Variants in TANC1 observed in about 807,000 individuals in gnomAD.
TANC1 encodes the protein protein TANC1.
In TANC1, 77 loss-of-function variants were observed where a neutral mutation model predicts 149.7. The observed-to-expected ratio is 0.51, with a 90% CI of 0.43 to 0.62. The LOEUF (loss-of-function observed/expected upper bound fraction) is 0.62, where lower values mean the gene tolerates loss of function less well. TANC1 is among the 20% of genes least tolerant of loss of function. The probability of loss-of-function intolerance (pLI) is 0.00; values close to 1 mark genes in which losing one functional copy is unlikely to be tolerated. For synonymous variants in TANC1, 854 were observed against 925.0 expected (o/e 0.92, Z 1.39); for missense variants, 1,985 against 2,321.8 (o/e 0.85, Z 2.98).
At chr2:159,203,394 A>G (rs760305058) in intron 19 of TANC1, among the ~76,000 whole-genome samples, 4 of 151,338 alleles carry the variant, frequency 2.6e-5, no homozygotes, top group Non-Finnish European at 5.9e-5. Context: ...TTTAGTAGAG[A>G]TGGGGTTTCA....
intron 3 of TANC1, among the ~76,000 whole-genome samples, chr2:159,096,150 T>C (rs1011150479): frequency 6.6e-6 from 1 of 152,152 alleles, no homozygotes; most frequent in African/African-American, 2.4e-5. Flanking sequence ...GAAGATGCTT[T>C]TTAAGAAGCA....
chr2:158,981,496 TATATATATATATATATATATATA>T (rs2034335068), intron 1 of TANC1, among the ~76,000 whole-genome samples: 1 of 11,030 alleles, frequency 9.1e-5, no homozygotes, highest in East Asian at 1.8e-3. Context: ...AGCTTTTATA[TATATATATATATATATATATATA>T]TATATATATA....
intron 5 of TANC1, among the ~76,000 whole-genome samples, chr2:159,145,932 T>C (rs2052033043): frequency 6.6e-6 from 1 of 152,216 alleles, no homozygotes; most frequent in African/African-American, 2.4e-5. Context: ...TGGTATTGGG[T>C]AATGTACACC....
At chr2:159,136,945 T>C (rs2050827903) in intron 5 of TANC1, among the ~76,000 whole-genome samples, 1 of 152,216 alleles carries the variant, frequency 6.6e-6, no homozygotes, top group Non-Finnish European at 1.5e-5. Flanking sequence ...AATTCAAGAA[T>C]TTTCCTGTTT....
intron 19 of TANC1, among the ~76,000 whole-genome samples, chr2:159,206,366 C>T (rs1244674852): frequency 6.6e-6 from 1 of 152,186 alleles, no homozygotes; most frequent in African/African-American, 2.4e-5. Context: ...TCACAGACCC[C>T]TGGGTTTTGC....
rs905631679 is a variant in TANC1, at chr2:159,097,656, G to T, written c.81G>T (p.Glu27Asp). 6 of 1,613,846 alleles carry T rather than the reference G, an allele frequency of 3.7e-6. No individual in the cohort carries two copies. The highest frequency in any genetic ancestry group is 1.7e-5 in the Admixed American group (1 of 59,992). Residue 27 changes from glutamate (E) to aspartate (D), a missense_variant, in exon 4 of 27, where the codon GAG becomes GAT. By Grantham distance (45) the Glu-to-Asp change is conservative. Transcript: ENST00000263635. The part of the protein sequence containing the change: ...KKEAGSDFGP[E>D]TSPVLHLDHS... The stretch of plus-strand genomic sequence containing the variant: ...CTCTAGGAAGTGACTTTGGTCCAGA[G>T]ACTTCTCCAGTCCTGCACCTTGACC...
intron 2 of TANC1, among the ~76,000 whole-genome samples, chr2:159,062,976 A>C (rs1487647712): frequency 2.1e-5 from 3 of 142,132 alleles, no homozygotes; most frequent in Non-Finnish European, 4.7e-5. Flanking sequence ...TCCGTCTCAA[A>C]AAAAAAAAAA....
chr2:159,193,844 A>ATT (rs902401793), intron 16 of TANC1, among the ~76,000 whole-genome samples: 1 of 147,720 alleles, frequency 6.8e-6, no homozygotes, highest in African/African-American at 2.5e-5. Context: ...TTAATTAAAA[A>ATT]TTTTTTTTTT....
At chr2:159,187,693 C>T (rs951943841) in intron 16 of TANC1, among the ~76,000 whole-genome samples, 1 of 152,122 alleles carries the variant, frequency 6.6e-6, no homozygotes, top group Non-Finnish European at 1.5e-5. Context: ...CTGATGTACC[C>T]GGCTGCCTGT....
At chr2:158,969,048 C>G (rs1404949579) in intron 1 of TANC1, among the ~76,000 whole-genome samples, 3 of 152,218 alleles carry the variant, frequency 2.0e-5, no homozygotes, top group Admixed American at 1.3e-4. Flanking sequence ...GCGGTTCCCC[C>G]GCGCCGGACC....
Position 159,225,776 on chromosome 2 carries a change from C to A in TANC1, c.3900C>A (p.Tyr1300Ter). The change falls in exon 24 of 27, where the codon TAC (tyrosine) becomes TAA (stop). Residue 1300 changes from tyrosine to a stop codon, truncating the protein, a stop_gained. Coordinates refer to ENST00000263635, the MANE Select transcript of TANC1 (RefSeq NM_033394.3). LOFTEE classifies it high-confidence loss of function. ...TAATGGAGGAAGGAAATGTGATGTA[C>A]AAAGTAAGTGGTTCCGCCCTTTTCT... ...QKLMEEGNVM[Y>*]KKGKMKEAAQ... 6.2e-7 allele frequency: 1 copy of A among 1,611,794 alleles called. No individual in the cohort carries two copies.
rs568847490 is a variant in TANC1 at position 158,999,531 on chromosome 2, C to A, written c.-125-1549C>A. ...CTGGGACAACTGCATTGATCCCTAC[C>A]TAAGCCAGTGTCAGCTGGATATTTT... On this transcript the variant is annotated intron_variant, in intron 1 of 26. Transcript: ENST00000263635. Among the ~76,000 whole-genome samples the A allele has an allele frequency of 3.3e-5, 5 of 152,314 alleles. No homozygotes were observed. In the East Asian group the frequency reaches 9.6e-4, roughly 29 times the overall value.
At chr2:159,057,032 A>G (rs1237225885) in intron 2 of TANC1, among the ~76,000 whole-genome samples, 1 of 152,204 alleles carries the variant, frequency 6.6e-6, no homozygotes, top group Admixed American at 6.5e-5. Context: ...GCAGTTTCAT[A>G]ATCGGGTGTT....
chr2:158,981,491 TTATATATATATATATATATATATATATA>T (rs10602195), intron 1 of TANC1, among the ~76,000 whole-genome samples: 21 of 34,346 alleles, frequency 6.1e-4, no homozygotes, highest in East Asian at 1.8e-3. Context: ...TATATAGCTT[TTATATATATATATATATATATATATATA>T]TATATATATA....
At chr2:159,208,688 G>T (rs761079237) in intron 19 of TANC1, among the ~76,000 whole-genome samples, 1 of 152,210 alleles carries the variant, frequency 6.6e-6, no homozygotes, top group Non-Finnish European at 1.5e-5. Context: ...GCTTCTGCAG[G>T]CCCCATCATG....
intron 2 of TANC1, among the ~76,000 whole-genome samples, chr2:159,024,264 C>T (rs2039073445): frequency 6.6e-6 from 1 of 152,070 alleles, no homozygotes; most frequent in Non-Finnish European, 1.5e-5. Flanking sequence ...ACATGGTAGC[C>T]ATTATAATGT....
intron 3 of TANC1, among the ~76,000 whole-genome samples, chr2:159,084,139 A>T (rs1241887763): frequency 2.0e-5 from 3 of 152,004 alleles, no homozygotes; most frequent in Admixed American, 1.3e-4. Context: ...AATCCCAGCT[A>T]CTCAGAAGGC....
intron 2 of TANC1, among the ~76,000 whole-genome samples, chr2:159,019,385 G>A (rs1465609640): frequency 6.6e-6 from 1 of 152,190 alleles, no homozygotes; most frequent in East Asian, 1.9e-4. Flanking sequence ...AAATTTTCAA[G>A]AGAAACTAGA....
At chr2:159,080,210 C>T (rs1361045773) in intron 3 of TANC1, among the ~76,000 whole-genome samples, 1 of 152,218 alleles carries the variant, frequency 6.6e-6, no homozygotes, top group Non-Finnish European at 1.5e-5. Context: ...GGGTGTTACC[C>T]CACCTCTTGT....
Sources: gnomAD v4.1 joint callset for allele counts (sites outside exome capture counted in the v4.1 genomes callset) on GRCh38, gnomAD v4.1.1 for gene constraint, MANE v1.5 for transcripts, NCBI Gene and HGNC (gene_info 2026-07-23, HGNC 2026-07-21) for gene names.